Variants in PAK5 observed in about 807,000 individuals in gnomAD.
The protein encoded by PAK5 is serine/threonine-protein kinase PAK 5.
A neutral mutation model predicts 65.9 loss-of-function variants in PAK5; 16 were observed. That is an observed-to-expected ratio of 0.24 (90% CI 0.16 to 0.37). The LOEUF is 0.37. Ranked by LOEUF, PAK5 falls within the 10% of genes least tolerant of loss-of-function variation. The pLI is 1.00. For missense variants in PAK5, 785 were observed against 903.9 expected (o/e 0.87, Z 1.69); for synonymous variants, 371 against 354.9 (o/e 1.05, Z -0.51).
intron 3 of PAK5, among the ~76,000 whole-genome samples, chr20:9,611,203 G>A (rs527986127): frequency 3.9e-5 from 6 of 152,316 alleles, no homozygotes; most frequent in South Asian, 2.1e-4. Context: ...TGGTAATGCC[G>A]GGGAGTAATA....
At chr20:9,771,582 ATTTT>A (rs545140358) in intron 1 of PAK5, among the ~76,000 whole-genome samples, 1 of 109,756 alleles carries the variant, frequency 9.1e-6, no homozygotes, top group Non-Finnish European at 1.8e-5. Flanking sequence ...CAATTTTTTA[ATTTT>A]TTTTTTTTTT....
At chr20:9,590,970 C>G (rs187528711) in intron 3 of PAK5, among the ~76,000 whole-genome samples, 83 of 152,298 alleles carry the variant, frequency 5.4e-4, no homozygotes, top group African/African-American at 1.9e-3. Context: ...CTCCCTCATG[C>G]CCTGTCCTCC....
intron 1 of PAK5, among the ~76,000 whole-genome samples, chr20:9,719,701 A>G (rs1035389874): frequency 1.3e-5 from 2 of 152,150 alleles, no homozygotes; most frequent in South Asian, 4.1e-4. Context: ...GTTCTAGCCC[A>G]TTGTGTTTGC....
intron 1 of PAK5, among the ~76,000 whole-genome samples, chr20:9,795,483 GC>G (rs1400180980): frequency 2.0e-5 from 3 of 152,038 alleles, no homozygotes; most frequent in Non-Finnish European, 4.4e-5. Context: ...TCTCACCACT[GC>G]CAGAAACAAA....
chr20:9,667,784 T>C (rs2047439763), intron 2 of PAK5, among the ~76,000 whole-genome samples: 1 of 152,202 alleles, frequency 6.6e-6, no homozygotes, highest in Non-Finnish European at 1.5e-5. Flanking sequence ...CCATAATGTA[T>C]ATATGCAGAT....
chr20:9,676,638 C>T (rs1410566741), intron 2 of PAK5, among the ~76,000 whole-genome samples: 1 of 152,042 alleles, frequency 6.6e-6, no homozygotes, highest in African/African-American at 2.4e-5. Context: ...ATTGTGTTTT[C>T]TCAATATGAA....
At chr20:9,551,013 G>A (rs149781216) in intron 7 of PAK5, among the ~76,000 whole-genome samples, 1 of 152,172 alleles carries the variant, frequency 6.6e-6, no homozygotes, top group African/African-American at 2.4e-5. Context: ...CTGACAAAAT[G>A]TGAGATGAGC....
intron 2 of PAK5, among the ~76,000 whole-genome samples, chr20:9,678,999 T>G (rs6039545): frequency 0.26 from 40,012 of 151,960 alleles, 5,817 homozygotes; most frequent in African/African-American, 0.37. Context: ...TTGAACTGCA[T>G]GTGTTCACCT....
chr20:9,653,779 T>A (rs1413595876), intron 2 of PAK5, among the ~76,000 whole-genome samples: 1 of 152,016 alleles, frequency 6.6e-6, no homozygotes, highest in African/African-American at 2.4e-5. Context: ...ATAACATGAG[T>A]CTCACCTGGT....
intron 4 of PAK5, among the ~76,000 whole-genome samples, chr20:9,579,638 T>C (rs986635318): frequency 6.6e-6 from 1 of 152,204 alleles, no homozygotes; most frequent in East Asian, 1.9e-4. Flanking sequence ...AGAAAGTACA[T>C]ACTCTTAATA....
intron 1 of PAK5, among the ~76,000 whole-genome samples, chr20:9,792,178 A>G (rs2049056835): frequency 6.6e-6 from 1 of 152,192 alleles, no homozygotes; most frequent in Non-Finnish European, 1.5e-5. Flanking sequence ...ATGTAAGAAA[A>G]TGTTTTTAAC....
chr20:9,765,626 GC>G (rs759168723), intron 1 of PAK5, among the ~76,000 whole-genome samples: 28 of 152,098 alleles, frequency 1.8e-4, no homozygotes, highest in Admixed American at 5.9e-4. Flanking sequence ...AACTGCAGAT[GC>G]TGCAAATCAA....
intron 1 of PAK5, among the ~76,000 whole-genome samples, chr20:9,826,003 A>G (rs549588213): frequency 2.0e-5 from 3 of 152,334 alleles, no homozygotes; most frequent in South Asian, 4.1e-4. Flanking sequence ...TGGCCTGATT[A>G]CAGGCAGTAG....
At chr20:9,804,640 C>A (rs75091427) in intron 1 of PAK5, among the ~76,000 whole-genome samples, 1 of 152,140 alleles carries the variant, frequency 6.6e-6, no homozygotes, top group Non-Finnish European at 1.5e-5. Context: ...GGTAAATCTG[C>A]ATGACATCAA....
At chr20:9,666,407 A>G (rs985768861) in intron 2 of PAK5, among the ~76,000 whole-genome samples, 10 of 150,062 alleles carry the variant, frequency 6.7e-5, no homozygotes, top group African/African-American at 2.5e-4. Flanking sequence ...AAAAACTTCA[A>G]CAAAAGCACA....
At chr20:9,820,152 C>T (rs1044034000) in intron 1 of PAK5, among the ~76,000 whole-genome samples, 1 of 152,146 alleles carries the variant, frequency 6.6e-6, no homozygotes, top group Non-Finnish European at 1.5e-5. Context: ...GTTGAAGATA[C>T]GCCCTGCTTC....
intron 2 of PAK5, among the ~76,000 whole-genome samples, chr20:9,683,255 G>A (rs2047674347): frequency 6.6e-6 from 1 of 152,238 alleles, no homozygotes; most frequent in Non-Finnish European, 1.5e-5. Flanking sequence ...ATGCCCCACA[G>A]TCGGTGAATA....
intron 1 of PAK5, among the ~76,000 whole-genome samples, chr20:9,773,811 C>T (rs2048859013): frequency 6.6e-6 from 1 of 152,140 alleles, no homozygotes; most frequent in Non-Finnish European, 1.5e-5. Flanking sequence ...TCCCATTTTG[C>T]AGGTGAAGAA....
At chr20:9,693,094 T>C (rs1387347589) in intron 2 of PAK5, among the ~76,000 whole-genome samples, 1 of 152,064 alleles carries the variant, frequency 6.6e-6, no homozygotes, top group African/African-American at 2.4e-5. Context: ...TGAATTGACT[T>C]AAGGTTAAGC....
Sources: gnomAD v4.1 joint callset for allele counts (sites outside exome capture counted in the v4.1 genomes callset) on GRCh38, gnomAD v4.1.1 for gene constraint, MANE v1.5 for transcripts, NCBI Gene and HGNC (gene_info 2026-07-23, HGNC 2026-07-21) for gene names.